Variants in CNMD observed in about 807,000 individuals in gnomAD.
The protein encoded by CNMD is chondromodulin, also known as leukocyte cell-derived chemotaxin 1.
CNMD carries 30 observed loss-of-function variants against 37.5 expected under a neutral mutation model. The ratio of observed to expected loss-of-function variants is 0.80; its 90% confidence interval spans 0.60 to 1.09. The LOEUF (loss-of-function observed/expected upper bound fraction) is 1.09, where lower values mean the gene tolerates loss of function less well. CNMD is among the 50% of genes least tolerant of loss of function. The probability of loss-of-function intolerance (pLI) is 0.00; values close to 1 mark genes in which losing one functional copy is unlikely to be tolerated. For synonymous variants in CNMD, 167 were observed against 148.2 expected, an observed-to-expected ratio of 1.13 and a Z score of -0.92; for missense variants, 398 against 423.9, an observed-to-expected ratio of 0.94 and a Z score of 0.54.
At chr13:52,714,968 C>T (rs534126046) in intron 4 of CNMD, among the ~76,000 whole-genome samples, 108 of 152,204 alleles carry the variant, frequency 7.1e-4, no homozygotes, top group African/African-American at 2.5e-3. Flanking sequence ...ACTCCTTTTA[C>T]TAATATTTTA....
intron 4 of CNMD, among the ~76,000 whole-genome samples, chr13:52,714,864 T>C (rs937758345): frequency 6.6e-6 from 1 of 152,154 alleles, no homozygotes; most frequent in Non-Finnish European, 1.5e-5. Context: ...TCTATACTTT[T>C]TTTCCCTAAG....
chr13:52,725,799 T>C (rs1455188058), intron 3 of CNMD, among the ~76,000 whole-genome samples: 2 of 152,184 alleles, frequency 1.3e-5, no homozygotes, highest in African/African-American at 4.8e-5. Flanking sequence ...ACTTAAAATC[T>C]AGGGATCCTG....
At chr13:52,712,931 CAT>C (rs1207992509) in intron 4 of CNMD, 62 bp from the exon 5 acceptor site, 1 of 1,298,162 alleles carries the variant, frequency 7.7e-7, no homozygotes, top group African/African-American at 1.5e-5. Flanking sequence ...TATTAAGAGT[CAT>C]GTGTTGCTAA....
At chr13:52,716,524 A>G (rs953235514) in intron 4 of CNMD, among the ~76,000 whole-genome samples, 3 of 152,230 alleles carry the variant, frequency 2.0e-5, no homozygotes, top group Admixed American at 1.3e-4. Context: ...TTAATTTTGT[A>G]TAAGGTGTAA....
chr13:52,738,290 G>A (rs1015900836), intron 2 of CNMD, among the ~76,000 whole-genome samples: 1 of 152,204 alleles, frequency 6.6e-6, no homozygotes, highest in African/African-American at 2.4e-5. Context: ...ACACACTGGA[G>A]CTCTGCCCAG....
chr13:52,712,007 C>CT (rs1213888935), intron 5 of CNMD, among the ~76,000 whole-genome samples: 4 of 151,966 alleles, frequency 2.6e-5, no homozygotes, highest in African/African-American at 4.8e-5. Context: ...GGAGAAAGGC[C>CT]TTTTTTTTCC....
At chr13:52,733,189 A>C (rs780912926) in intron 3 of CNMD, 30 bp downstream of exon 3, 8 of 1,612,860 alleles carry the variant, frequency 5.0e-6, no homozygotes, top group Non-Finnish European at 6.8e-6. Flanking sequence ...TTGCCTGGTT[A>C]AATTCTCTAA....
At chr13:52,712,592 C>T (rs1964306748) in intron 5 of CNMD, 124 bp downstream of exon 5, 2 of 550,618 alleles carry the variant, frequency 3.6e-6, no homozygotes, top group Non-Finnish European at 6.0e-6. Context: ...TACTGAGACA[C>T]TGCGACATGC....
In CNMD at chr13:52,739,528, G is replaced by A. The variant is rs1964848105; in HGVS notation, c.72+102C>T. The stretch of plus-strand genomic sequence containing the variant: ...ATTTGGGACCCAAATTTATCCCCCC[G>A]CCAACACACCCATTCGGTGGCACGC... On this transcript the variant is annotated intron_variant, in intron 1 of 6. Coordinates refer to ENST00000377962, the MANE Select transcript of CNMD (RefSeq NM_007015.3). This position sits in a 1 kb window ranked among gnomAD's most constrained non-coding sequence, Gnocchi z 5.4. The A allele has an allele frequency of 1.9e-6, 2 of 1,076,168 alleles. No homozygotes were observed. Among genetic ancestry groups the A allele is most frequent in the South Asian group, 1.3e-5 (1 of 75,016 alleles). 66.7% of individuals were successfully genotyped at this position (1,076,168 alleles called of 1,614,324 possible). A position where few individuals can be genotyped will look rare whatever the true frequency, so the allele number is the denominator to read the frequency against.
chr13:52,730,050 C>T (rs1253984489), intron 3 of CNMD, among the ~76,000 whole-genome samples: 2 of 150,788 alleles, frequency 1.3e-5, no homozygotes, highest in Non-Finnish European at 2.9e-5. Flanking sequence ...TCAATTCCCA[C>T]CTATGAGTGA....
At chr13:52,713,853 T>C (rs192388621) in intron 4 of CNMD, among the ~76,000 whole-genome samples, 3 of 152,270 alleles carry the variant, frequency 2.0e-5, no homozygotes, top group Non-Finnish European at 4.4e-5. Context: ...ATAATGCATA[T>C]AGATGCATCC....
intron 4 of CNMD, among the ~76,000 whole-genome samples, chr13:52,713,440 C>G (rs926009606): frequency 2.6e-5 from 4 of 152,154 alleles, no homozygotes; most frequent in African/African-American, 9.7e-5. Context: ...AAAGTTAAAC[C>G]CTGGATTTTC....
intron 4 of CNMD, among the ~76,000 whole-genome samples, chr13:52,715,661 GTCCCTGCAAAGGACATGAACTCA>G (rs1964365182): frequency 6.6e-6 from 1 of 152,112 alleles, no homozygotes; most frequent in African/African-American, 2.4e-5. Flanking sequence ...CTTCATCCGT[GTCCCTGCAAAGGACATGAACTCA>G]TCATTTTTAT....
chr13:52,720,961 C>G (rs983084045), intron 4 of CNMD, among the ~76,000 whole-genome samples: 2 of 152,148 alleles, frequency 1.3e-5, no homozygotes, highest in Non-Finnish European at 2.9e-5. Context: ...TCTATAAGCC[C>G]GACTGGGGCT....
intron 4 of CNMD, among the ~76,000 whole-genome samples, chr13:52,716,049 C>T (rs9536251): frequency 0.041 from 6,216 of 152,166 alleles, 151 homozygotes; most frequent in South Asian, 0.065. Context: ...CCATTCTAAC[C>T]GGTATGAGAT....
chr13:52,712,379 T>TAAA (rs202129592), intron 5 of CNMD, among the ~76,000 whole-genome samples: 1 of 151,728 alleles, frequency 6.6e-6, no homozygotes, highest in Non-Finnish European at 1.5e-5. Flanking sequence ...GCCTTAGAAA[T>TAAA]AAAAAAAATG....
At chr13:52,715,645 TTCC>T (rs1411403828) in intron 4 of CNMD, among the ~76,000 whole-genome samples, 1 of 152,204 alleles carries the variant, frequency 6.6e-6, no homozygotes, top group East Asian at 1.9e-4. Flanking sequence ...GAATGATGGT[TTCC>T]AGCTTCATCC....
At chr13:52,712,604 T>C (rs1964307091) in intron 5 of CNMD, 112 bp downstream of exon 5, 4 of 600,046 alleles carry the variant, frequency 6.7e-6, no homozygotes, top group Non-Finnish European at 1.1e-5. Flanking sequence ...GCGACATGCA[T>C]CCTGATTTAT....
chr13:52,732,553 T>C (rs567996789), intron 3 of CNMD, among the ~76,000 whole-genome samples: 1 of 152,324 alleles, frequency 6.6e-6, no homozygotes, highest in South Asian at 2.1e-4. Flanking sequence ...AGAAAACATA[T>C]GCTATAATAG....
Sources: gnomAD v4.1 joint callset for allele counts (sites outside exome capture counted in the v4.1 genomes callset) on GRCh38, gnomAD v4.1.1 for gene constraint, Gnocchi (gnomAD v3.1) non-coding constraint, MANE v1.5 for transcripts, NCBI Gene and HGNC (gene_info 2026-07-23, HGNC 2026-07-21) for gene names.